The following TPTE variants were observed in gnomAD, a reference collection of about 807,000 sequenced individuals.
TPTE encodes the protein putative tyrosine-protein phosphatase TPTE.
A neutral mutation model predicts 84.1 loss-of-function variants in TPTE; 59 were observed. That is an observed-to-expected ratio of 0.70 (90% CI 0.57 to 0.87). TPTE has a LOEUF of 0.87. Ranked by LOEUF, TPTE falls within the 40% of genes least tolerant of loss-of-function variation. The pLI is 0.00. For missense variants in TPTE, 382 were observed against 659.6 expected (o/e 0.58, Z 4.61); for synonymous variants, 130 against 223.5 (o/e 0.58, Z 3.73).
At chr21:10,566,977 C>CAAAAA (rs141155041) in intron 10 of TPTE, among the ~76,000 whole-genome samples, 23 of 126,106 alleles carry the variant, frequency 1.8e-4, no homozygotes, top group African/African-American at 5.9e-4. Flanking sequence ...AACTCCATCT[C>CAAAAA]AAAAAAAAAA....
chr21:10,566,891 C>T lies in TPTE; in HGVS notation c.447-779C>T, dbSNP rs367969294. Among the ~76,000 whole-genome samples the T allele has an allele frequency of 6.0e-4, 91 of 152,294 alleles. No homozygotes were observed. In the East Asian group the frequency reaches 6.4e-3, roughly 11 times the overall value. ...ACTCGTGAGGCTGAGGCAGGAGAAT[C>T]GCTTGAACCCAGGAGGTGGAGGTTG... On this transcript the variant is annotated intron_variant, in intron 10 of 23. Transcript: ENST00000618007.
At chr21:10,575,339 TCTATGGA>T (rs1174936894) in intron 14 of TPTE, among the ~76,000 whole-genome samples, 1,794 of 148,428 alleles carry the variant, frequency 0.012, no homozygotes, top group African/African-American at 0.015. Context: ...CAGCAGCGGT[TCTATGGA>T]CAGAGCTTTG....
rs547594089 is a variant in TPTE, at chr21:10,605,492, C to A, written c.1596C>A (p.Ala532=). The change falls in exon 24 of 24, where the codon GCC becomes GCA. Residue 532 remains alanine (A), a synonymous_variant. Transcript: ENST00000618007. ...KARRIYPSDF[A]VEILFGEKMT... ...GGAGAATTTATCCATCAGATTTTGCCGTGGAGATACTTTTTGGCGAGAAAA... is the reference window on the plus strand; with the variant it reads ...GGAGAATTTATCCATCAGATTTTGCAGTGGAGATACTTTTTGGCGAGAAAA... The A allele has an allele frequency of 6.2e-7, 1 of 1,614,234 alleles. No individual in the cohort carries two copies. Among genetic ancestry groups the A allele is most frequent in the Non-Finnish European group, 8.5e-7 (1 of 1,180,028 alleles).
chr21:10,588,937 A>C (rs2075414902), intron 17 of TPTE, among the ~76,000 whole-genome samples: 1 of 152,302 alleles, frequency 6.6e-6, no homozygotes, highest in Non-Finnish European at 1.5e-5. Context: ...TGTTGATTTC[A>C]ACCTTGAATC....
intron 17 of TPTE, among the ~76,000 whole-genome samples, chr21:10,589,244 G>T (rs212150): frequency 1.3e-5 from 2 of 152,124 alleles, no homozygotes; most frequent in Admixed American, 1.3e-4. Flanking sequence ...AGAGCATGCT[G>T]GGTAGGGTCT....
chr21:10,581,050 G>A (rs1384868956), intron 17 of TPTE, among the ~76,000 whole-genome samples: 2 of 152,304 alleles, frequency 1.3e-5, no homozygotes, highest in Non-Finnish European at 2.9e-5. Flanking sequence ...ACCATCAACT[G>A]ACTTATATAA....
chr21:10,523,776 A>G (rs1275840188), intron 1 of TPTE, among the ~76,000 whole-genome samples: 1 of 152,310 alleles, frequency 6.6e-6, no homozygotes, highest in Non-Finnish European at 1.5e-5. Flanking sequence ...ATGTGTCTGT[A>G]TAGCAGCATG....
At chr21:10,536,160 C>T (rs963594522) in intron 3 of TPTE, among the ~76,000 whole-genome samples, 1 of 152,310 alleles carries the variant, frequency 6.6e-6, no homozygotes, top group African/African-American at 2.4e-5. Flanking sequence ...TGCCTGTAAT[C>T]CCATCTACTC....
intron 14 of TPTE, among the ~76,000 whole-genome samples, chr21:10,574,949 T>C (rs2145722103): frequency 6.6e-6 from 1 of 152,430 alleles, no homozygotes; most frequent in African/African-American, 2.4e-5. Context: ...GGGAAATCTG[T>C]CCATACGTAT....
chr21:10,547,847 A>G (rs2074497404), intron 7 of TPTE, among the ~76,000 whole-genome samples: 1 of 152,308 alleles, frequency 6.6e-6, no homozygotes, highest in Non-Finnish European at 1.5e-5. Flanking sequence ...CAGACAGAGG[A>G]ATAATCTGCA....
At chr21:10,526,269 A>G (rs1336778201) in intron 2 of TPTE, among the ~76,000 whole-genome samples, 2 of 152,310 alleles carry the variant, frequency 1.3e-5, no homozygotes, top group Non-Finnish European at 2.9e-5. Context: ...GGCTAACGAG[A>G]TGCGATAATT....
intron 21 of TPTE, among the ~76,000 whole-genome samples, chr21:10,600,339 G>T (rs212139): frequency 1.3e-5 from 2 of 152,388 alleles, no homozygotes; most frequent in Admixed American, 6.5e-5. Context: ...GGGTTTCTCC[G>T]TGTTGGTCAG....
chr21:10,544,557 T>G (rs1201100030), intron 7 of TPTE, among the ~76,000 whole-genome samples: 4 of 152,310 alleles, frequency 2.6e-5, no homozygotes, highest in Non-Finnish European at 4.4e-5. Flanking sequence ...ACAAATTTTT[T>G]GTATTTTTGG....
intron 10 of TPTE, 41 bp from the exon 11 acceptor site, chr21:10,567,629 G>A (rs2074951138): frequency 6.2e-7 from 1 of 1,606,114 alleles, no homozygotes; most frequent in East Asian, 2.2e-5. Context: ...ATCTCTTCTT[G>A]CAGGGGGGAA....
chr21:10,574,552 G>T (rs1207819086), intron 14 of TPTE, among the ~76,000 whole-genome samples: 1 of 152,312 alleles, frequency 6.6e-6, no homozygotes, highest in African/African-American at 2.4e-5. Context: ...AAAGAGGAAT[G>T]AAAAGGGGCG....
chr21:10,585,539 C>CA (rs1290778189), intron 17 of TPTE, among the ~76,000 whole-genome samples: 53 of 152,314 alleles, frequency 3.5e-4, no homozygotes, highest in African/African-American at 1.2e-3. Flanking sequence ...TTAGGATTTT[C>CA]AAATTCATGT....
chr21:10,521,683 TCC>T lies in TPTE; in HGVS notation c.-221_-220del. On this transcript the variant is annotated 5_prime_UTR_variant, in exon 1 of 24. Coordinates refer to ENST00000618007, the MANE Select transcript of TPTE (RefSeq NM_199261.4). ...GGGACCCCCGGCGCCTACACTTAGC[TCC>T]GCGCCCGAGGTGAGCCCAGGCCCTA... The T allele has an allele frequency of 6.7e-6, 1 of 148,914 alleles. No homozygotes were observed. Among genetic ancestry groups the T allele is most frequent in the Admixed American group, 6.7e-5 (1 of 14,860 alleles). The allele number at this position is 148,914 out of a possible 1,614,324, so 9.2% of individuals were successfully genotyped here.
At chr21:10,530,692 T>G (rs1406715337) in intron 3 of TPTE, among the ~76,000 whole-genome samples, 1 of 152,308 alleles carries the variant, frequency 6.6e-6, no homozygotes, top group Non-Finnish European at 1.5e-5. Context: ...CAGGACTTGA[T>G]GGGCCATGGG....
chr21:10,543,014 C>CTTTTTT (rs1051322060), intron 6 of TPTE, among the ~76,000 whole-genome samples: 5 of 72,276 alleles, frequency 6.9e-5, no homozygotes, highest in Admixed American at 1.9e-4. Context: ...TGACTGTATT[C>CTTTTTT]TTTTTTTTTT....
Sources: gnomAD v4.1 joint callset for allele counts (sites outside exome capture counted in the v4.1 genomes callset) on GRCh38, gnomAD v4.1.1 for gene constraint, MANE v1.5 for transcripts, NCBI Gene and HGNC (gene_info 2026-07-23, HGNC 2026-07-21) for gene names.